Variants in DOCK1 observed in about 807,000 individuals in gnomAD.
DOCK1 encodes the protein dedicator of cytokinesis protein 1.
DOCK1 carries 138 observed loss-of-function variants against 262.7 expected under a neutral mutation model. That is an observed-to-expected ratio of 0.53 (90% CI 0.46 to 0.61). The LOEUF (loss-of-function observed/expected upper bound fraction) is 0.61, where lower values mean the gene tolerates loss of function less well. Ranked by LOEUF, DOCK1 falls within the 20% of genes least tolerant of loss-of-function variation. The pLI is 0.00. For missense variants in DOCK1, 1,908 were observed against 2,370.7 expected (o/e 0.80, Z 4.05); for synonymous variants, 866 against 867.4 (o/e 1.00, Z 0.03).
At chr10:127,178,492 G>T (rs1589799591) in intron 27 of DOCK1, among the ~76,000 whole-genome samples, 1 of 152,290 alleles carries the variant, frequency 6.6e-6, no homozygotes, top group East Asian at 1.9e-4. Context: ...AATGTCTCCA[G>T]CCATTACCAG....
At chr10:126,954,491 A>T (rs2036573512) in intron 1 of DOCK1, among the ~76,000 whole-genome samples, 1 of 152,360 alleles carries the variant, frequency 6.6e-6, no homozygotes, top group South Asian at 2.1e-4. Flanking sequence ...GGCGTTAAAC[A>T]CACTGACGTT....
At chr10:127,435,676 G>A (rs1479859044) in intron 48 of DOCK1, among the ~76,000 whole-genome samples, 1 of 152,204 alleles carries the variant, frequency 6.6e-6, no homozygotes, top group African/African-American at 2.4e-5. Context: ...AGACAGAAGA[G>A]TGGTGAATTG....
chr10:127,116,830 C>T (rs1377931360), intron 25 of DOCK1, among the ~76,000 whole-genome samples: 1 of 152,172 alleles, frequency 6.6e-6, no homozygotes, highest in Non-Finnish European at 1.5e-5. Flanking sequence ...ACTCATATAG[C>T]ATTCTGCAGT....
intron 42 of DOCK1, 94 bp downstream of exon 42, chr10:127,409,485 T>C (rs1312465616): frequency 5.1e-6 from 7 of 1,361,290 alleles, no homozygotes; most frequent in Non-Finnish European, 7.3e-6. Context: ...GGACGGACTT[T>C]GGCCATGGAT....
intron 27 of DOCK1, among the ~76,000 whole-genome samples, chr10:127,233,700 G>A (rs1353905048): frequency 6.6e-6 from 1 of 152,168 alleles, no homozygotes; most frequent in Admixed American, 6.5e-5. Context: ...GTGTGCCTTC[G>A]CAAAGGTTTC....
intron 33 of DOCK1, among the ~76,000 whole-genome samples, chr10:127,369,309 A>G (rs956350782): frequency 8.5e-5 from 13 of 152,174 alleles, no homozygotes; most frequent in African/African-American, 3.1e-4. Context: ...TTTGCTTTCA[A>G]TGTCAAAATA....
Position 127,373,866 on chromosome 10 carries a change from T to C in DOCK1, c.3518T>C (p.Ile1173Thr). ...DEQYKVLFDK[I>T]LLEHCRKHKY... The stretch of plus-strand genomic sequence containing the variant: ...CAGTACAAAGTGTTATTTGATAAAA[T>C]GTAAGTGTTGATTAGCAGTGGGATT... Residue 1173 changes from isoleucine (I) to threonine (T), a missense_variant and splice_region_variant, in exon 34 of 52, where the codon ATC becomes ACC. Physicochemically the swap from Ile to Thr is moderately conservative, Grantham distance 89 (BLOSUM62 -1). Transcript: ENST00000623213. The C allele has an allele frequency of 1.2e-6, 2 of 1,602,800 alleles. No individual in the cohort carries two copies. Among genetic ancestry groups the C allele is most frequent in the East Asian group, 2.2e-5 (1 of 44,710 alleles).
At chr10:127,334,721 G>C (rs2063121928) in intron 29 of DOCK1, among the ~76,000 whole-genome samples, 1 of 152,058 alleles carries the variant, frequency 6.6e-6, no homozygotes, top group African/African-American at 2.4e-5. Context: ...CTTAGATTTT[G>C]ACCATTTTTA....
intron 27 of DOCK1, among the ~76,000 whole-genome samples, chr10:127,154,926 C>T (rs948334065): frequency 3.3e-5 from 5 of 152,188 alleles, no homozygotes; most frequent in Admixed American, 6.5e-5. Flanking sequence ...TGTTTCATGC[C>T]TTCACAGTTT....
At chr10:127,172,907 A>G (rs1349064315) in intron 27 of DOCK1, among the ~76,000 whole-genome samples, 5 of 152,204 alleles carry the variant, frequency 3.3e-5, no homozygotes, top group East Asian at 1.9e-4. Context: ...GTATGTGGCT[A>G]TCGAGCATTT....
chr10:127,125,372 A>C (rs2049882379), intron 25 of DOCK1, 102 bp from the exon 26 acceptor site: 9 of 1,525,292 alleles, frequency 5.9e-6, no homozygotes, highest in Admixed American at 3.8e-5. Context: ...CGTGTTGCAC[A>C]ACGTGAATGC....
At chr10:126,914,410 A>G (rs2032224665) in intron 1 of DOCK1, among the ~76,000 whole-genome samples, 1 of 152,042 alleles carries the variant, frequency 6.6e-6, no homozygotes, top group South Asian at 2.1e-4. Flanking sequence ...TATTTTATTT[A>G]TTTATTTTTA....
At chr10:127,279,239 AAATC>A (rs768868834) in intron 29 of DOCK1, among the ~76,000 whole-genome samples, 1 of 152,266 alleles carries the variant, frequency 6.6e-6, no homozygotes, top group Non-Finnish European at 1.5e-5. Context: ...ATGAAAATCA[AAATC>A]AAAGCATTTC....
chr10:127,161,590 CCT>C, intron 27 of DOCK1, among the ~76,000 whole-genome samples: 1 of 152,192 alleles, frequency 6.6e-6, no homozygotes, highest in Non-Finnish European at 1.5e-5. Flanking sequence ...TCTGTTCTCC[CCT>C]GCTTTTGGGA....
chr10:127,196,726 A>ATAG (rs1564894798), intron 27 of DOCK1, among the ~76,000 whole-genome samples: 2 of 149,642 alleles, frequency 1.3e-5, no homozygotes. Flanking sequence ...AGGAGGAGGA[A>ATAG]GAGGAGGAGG....
intron 23 of DOCK1, among the ~76,000 whole-genome samples, chr10:127,097,778 T>C (rs781518150): frequency 6.6e-6 from 1 of 152,216 alleles, no homozygotes; most frequent in Non-Finnish European, 1.5e-5. Context: ...ATTTGGTAAG[T>C]TCACTTATAA....
intron 39 of DOCK1, among the ~76,000 whole-genome samples, chr10:127,403,935 G>C (rs2067366666): frequency 6.6e-6 from 1 of 152,168 alleles, no homozygotes; most frequent in South Asian, 2.1e-4. Flanking sequence ...ATTTAGAACA[G>C]AACGATTCTG....
chr10:127,420,425 G>A (rs1033918799), intron 46 of DOCK1, among the ~76,000 whole-genome samples: 8 of 152,116 alleles, frequency 5.3e-5, no homozygotes, highest in African/African-American at 7.2e-5. Flanking sequence ...GAGCTTGGCC[G>A]GCACCAGCCT....
At chr10:127,243,970 G>A (rs2059349714) in intron 27 of DOCK1, among the ~76,000 whole-genome samples, 1 of 152,050 alleles carries the variant, frequency 6.6e-6, no homozygotes, top group South Asian at 2.1e-4. Context: ...TTGGTCAAAT[G>A]TGTATACATA....
Sources: gnomAD v4.1 joint callset for allele counts (sites outside exome capture counted in the v4.1 genomes callset) on GRCh38, gnomAD v4.1.1 for gene constraint, MANE v1.5 for transcripts, NCBI Gene and HGNC (gene_info 2026-07-23, HGNC 2026-07-21) for gene names.